Variants in MYO15A observed in about 807,000 individuals in gnomAD.
MYO15A encodes myosin XVA.
Under a neutral mutation model 394.6 loss-of-function variants are expected in MYO15A, and 308 were observed. That is an observed-to-expected ratio of 0.78 (90% confidence interval 0.71 to 0.86). The LOEUF is 0.86. Among genes scored for constraint, MYO15A ranks in the 40% least tolerant of loss-of-function variants. MYO15A has a pLI of 0.00. For missense variants in MYO15A, 4,606 were observed against 4,799.1 expected (o/e 0.96, Z 1.19); for synonymous variants, 1,957 against 2,003.8 (o/e 0.98, Z 0.62).
chr17:18,172,444 G>A, intron 64 of MYO15A, 154 bp downstream of exon 64: 3 of 1,186,624 alleles, frequency 2.5e-6, no homozygotes, highest in Non-Finnish European at 3.7e-6. Flanking sequence ...TCTGAGCCTT[G>A]CTTTCCTCAT....
rs1251646260 is a variant in MYO15A, at chr17:18,179,067, G to A, written c.*197G>A. On this transcript the variant is annotated 3_prime_UTR_variant, in exon 66 of 66. Coordinates refer to ENST00000647165, the MANE Select transcript of MYO15A (RefSeq NM_016239.4). The stretch of plus-strand genomic sequence containing the variant: ...CTGAACTGGGATGGAATGGCAGCAT[G>A]CAAACTTGGATCAGATAGCAGGAGG... The A allele has an allele frequency of 4.7e-6, 3 of 638,586 alleles. No individual in the cohort carries two copies. Among genetic ancestry groups the A allele is most frequent in the Non-Finnish European group, 8.4e-6 (3 of 358,838 alleles). The allele number at this position is 638,586 out of a possible 1,614,324, so 39.6% of individuals were successfully genotyped here. A position where few individuals can be genotyped will look rare whatever the true frequency, so the allele number is the denominator to read the frequency against.
intron 42 of MYO15A, among the ~76,000 whole-genome samples, chr17:18,152,992 G>A (rs968736589): frequency 6.6e-6 from 1 of 152,236 alleles, no homozygotes; most frequent in Non-Finnish European, 1.5e-5. Flanking sequence ...GGCAGTGAGA[G>A]CTTTGTTTCT....
Position 18,143,805 on chromosome 17 carries a change from G to A in MYO15A, c.6046+9G>A. Reference sequence around the variant, plus strand: ...CTTGCAAGCAGTGGCAGGTGGGTCAGCACCAGGCGGGGGGAGGGCCCAGGC... The same window carrying A: ...CTTGCAAGCAGTGGCAGGTGGGTCAACACCAGGCGGGGGGAGGGCCCAGGC... On this transcript the variant is annotated intron_variant, in intron 27 of 65. Transcript: ENST00000647165. 1 of 1,575,838 alleles carries A rather than the reference G, an allele frequency of 6.3e-7. No homozygotes were observed. The highest frequency in any genetic ancestry group is 8.6e-7 in the Non-Finnish European group (1 of 1,161,030).
Position 18,121,887 on chromosome 17 carries a change from T to C in MYO15A, c.3087T>C (p.Pro1029=). 1 of 1,612,422 alleles carries C rather than the reference T, an allele frequency of 6.2e-7. No homozygotes were observed. The part of the protein sequence containing the change: ...GDPQLPAETK[P]PTPAPPKDVT... ...CCCAGCTGCCAGCAGAGACCAAGCC[T>C]CCAACCCCAGCACCTCCCAAGGATG... Residue 1029 remains proline (P), a synonymous_variant, in exon 2 of 66, where the codon CCT becomes CCC. Coordinates refer to ENST00000647165, the MANE Select transcript of MYO15A (RefSeq NM_016239.4). This position sits in a 1 kb window ranked among gnomAD's most constrained non-coding sequence, Gnocchi z 5.3.
Position 18,159,011 on chromosome 17 carries a change from G to C in MYO15A, c.9156+14G>C. On this transcript the variant is annotated intron_variant, in intron 53 of 65. Transcript: ENST00000647165. ...TGCTTCACCAAGGTGTCCAGTCCCG[G>C]ACCTCAGTTTCCCCATCTGTAAAAT... 1 of 1,613,008 alleles carries C rather than the reference G, an allele frequency of 6.2e-7. No homozygotes were observed. The highest frequency in any genetic ancestry group is 8.5e-7 in the Non-Finnish European group (1 of 1,179,420).
intron 65 of MYO15A, among the ~76,000 whole-genome samples, chr17:18,175,551 A>G (rs1468814999): frequency 2.0e-5 from 3 of 151,990 alleles, no homozygotes; most frequent in Non-Finnish European, 4.4e-5. Context: ...TCAGCTTCCC[A>G]AAGTGTAGGG....
chr17:18,171,499 C>A, intron 62 of MYO15A, 139 bp from the exon 63 acceptor site: 1 of 1,317,962 alleles, frequency 7.6e-7, no homozygotes, highest in African/African-American at 1.4e-5. Context: ...ACCCCACTTT[C>A]AGCCCATTTA....
Position 18,158,962 on chromosome 17 carries a change from T to A in MYO15A, c.9121T>A (p.Ser3041Thr), listed in dbSNP as rs974778766. The A allele has an allele frequency of 1.2e-6, 2 of 1,613,742 alleles. No individual in the cohort carries two copies. The highest frequency in any genetic ancestry group is 1.7e-5 in the Admixed American group (1 of 59,994). Residue 3041 changes from serine (S) to threonine (T), a missense_variant, in exon 53 of 66, where the codon TCC (serine) becomes ACC (threonine). Physicochemically the swap from Ser to Thr is moderately conservative, Grantham distance 58 (BLOSUM62 1). Around this residue, in one of 2 missense-constraint regions of MYO15A, gnomAD observed 2,776 missense variants for 3,109.3 expected, o/e 0.89. Coordinates refer to ENST00000647165, the MANE Select transcript of MYO15A (RefSeq NM_016239.4). ...LRLKSKEPRE[S>T]RTLEDMLCFT... is the part of the protein sequence containing the mutation. ...GCTGAAATCCAAGGAGCCTCGGGAG[T>A]CCAGAACCTTGGAGGACATGCTTTG...
In MYO15A at chr17:18,119,944, G is replaced by C. The variant is rs758452758; in HGVS notation, c.1144G>C (p.Glu382Gln). 6.2e-7 allele frequency: 1 copy of C among 1,613,632 alleles called. No individual in the cohort carries two copies. Among genetic ancestry groups the C allele is most frequent in the Non-Finnish European group, 8.5e-7 (1 of 1,180,002 alleles). ...AGTCCACTACACCGTCCCCTATGCC[G>C]AAGGCGTCTATGGCGGTGGGGACGA... ...YGVHYTVPYAEGVYGGGDEAI... is the reference protein window; with the variant it reads ...YGVHYTVPYAQGVYGGGDEAI... Residue 382 changes from glutamate (E) to glutamine (Q), a missense_variant, in exon 2 of 66, where the codon GAA becomes CAA. Glu to Gln is a conservative substitution (Grantham distance 29). This residue lies in a region of MYO15A where 1,830 missense variants were observed against 1,689.7 expected (regional missense o/e 1.08). Coordinates refer to ENST00000647165, the MANE Select transcript of MYO15A (RefSeq NM_016239.4).
At chr17:18,158,383 C>CGGGTGGGTCCACAGGGAT (rs2142390567) in intron 51 of MYO15A, 140 bp from the exon 52 acceptor site, 2 of 499,106 alleles carry the variant, frequency 4.0e-6, no homozygotes, top group Non-Finnish European at 6.7e-6. Context: ...CAACGGGATG[C>CGGGTGGGTCCACAGGGAT]GGGTGGGTCC....
chr17:18,152,679 C>T (rs924017262), intron 42 of MYO15A, among the ~76,000 whole-genome samples: 2 of 152,128 alleles, frequency 1.3e-5, no homozygotes, highest in East Asian at 1.9e-4. Flanking sequence ...GCCTATGAGA[C>T]GCGACATGAT....
At position 18,119,405 on chromosome 17, in the gene MYO15A, C is replaced by T. The variant is rs1229200252; in HGVS notation, c.605C>T (p.Pro202Leu). 1 of 1,611,790 alleles carries T rather than the reference C, an allele frequency of 6.2e-7. No individual in the cohort carries two copies. Among genetic ancestry groups the T allele is most frequent in the Non-Finnish European group, 8.5e-7 (1 of 1,179,912 alleles). Residue 202 changes from proline (P) to leucine (L), a missense_variant, in exon 2 of 66, where the codon CCC becomes CTC. Around this residue, in one of 2 missense-constraint regions of MYO15A, gnomAD observed 1,830 missense variants for 1,689.7 expected, o/e 1.08. Transcript: ENST00000647165. The stretch of plus-strand genomic sequence containing the variant: ...CGCAGCATCTACGCGTCAGGCGAGC[C>T]CCTGGGCTTCCTGCCCTTCGAGGAC... ...RSRSIYASGEPLGFLPFEDEA... is the reference protein window; with the variant it reads ...RSRSIYASGELLGFLPFEDEA...
At position 18,118,598 on chromosome 17, in the gene MYO15A, C is replaced by T. The variant is rs55821557; in HGVS notation, c.-203C>T. 946 of 700,294 alleles carry T rather than the reference C, an allele frequency of 1.4e-3. 5 individuals carry two copies. The highest frequency in any genetic ancestry group is 0.013 in the African/African-American group (742 of 55,802). 43.4% of individuals were successfully genotyped at this position (700,294 alleles called of 1,614,324 possible). A position where few individuals can be genotyped will look rare whatever the true frequency, so the allele number is the denominator to read the frequency against. On this transcript the variant is annotated 5_prime_UTR_variant, in exon 2 of 66. Transcript: ENST00000647165. Reference sequence around the variant, plus strand: ...CTGCTCTAGGGTGAAACCCAAGGCGCTCTAGAGGAGATGAATTATGGATCC... The same window carrying T: ...CTGCTCTAGGGTGAAACCCAAGGCGTTCTAGAGGAGATGAATTATGGATCC...
intron 12 of MYO15A, 120 bp downstream of exon 12, chr17:18,133,506 T>A: frequency 7.4e-7 from 1 of 1,352,478 alleles, no homozygotes; most frequent in Non-Finnish European, 9.9e-7. Flanking sequence ...TTCCTGTTTT[T>A]TTCTTTTTTC....
chr17:18,172,147 C>A lies in MYO15A; in HGVS notation c.10217-10C>A. 6.2e-7 allele frequency: 1 copy of A among 1,614,162 alleles called. No homozygotes were observed. Among genetic ancestry groups the A allele is most frequent in the Non-Finnish European group, 8.5e-7 (1 of 1,180,034 alleles). On this transcript the variant is annotated splice_polypyrimidine_tract_variant and intron_variant, in intron 63 of 65. Coordinates refer to ENST00000647165, the MANE Select transcript of MYO15A (RefSeq NM_016239.4). ...CCAGCACGTAACTGCCACCCCCTCT[C>A]CCTGCCCAGGCCTCCTCAGCGCCTT...
At chr17:18,177,434 C>T (rs1199397223) in intron 65 of MYO15A, 2 of 152,214 alleles carry the variant, frequency 1.3e-5, no homozygotes, top group Non-Finnish European at 2.9e-5. Flanking sequence ...CTCACTGAGC[C>T]TCAGGTTCCA....
At chr17:18,163,943 TCCTCCAGGAAGCC>T in intron 60 of MYO15A, 105 bp downstream of exon 60, 1 of 1,167,204 alleles carries the variant, frequency 8.6e-7, no homozygotes. Flanking sequence ...AGGTGCCACT[TCCTCCAGGAAGCC>T]CCTTGACCCC....
Position 18,173,877 on chromosome 17 carries a change from G to C in MYO15A, c.10447G>C (p.Gly3483Arg). Residue 3483 changes from glycine (G) to arginine (R), a missense_variant, in exon 65 of 66, where the codon GGG becomes CGG. By Grantham distance (125) the Gly-to-Arg change is moderately radical. Transcript: ENST00000647165. The stretch of plus-strand genomic sequence containing the variant: ...CTACCCCTATGTGGAGATTGCGCTG[G>C]GGGACGTGGCGGCCCAGCGCACCTT... ...SSYPYVEIALGDVAAQRTLQL... is the reference protein window; with the variant it reads ...SSYPYVEIALRDVAAQRTLQL... The C allele has an allele frequency of 6.2e-7, 1 of 1,613,102 alleles. No individual in the cohort carries two copies. The highest frequency in any genetic ancestry group is 8.5e-7 in the Non-Finnish European group (1 of 1,179,472).
intron 65 of MYO15A, 108 bp downstream of exon 65, chr17:18,174,029 C>CA: frequency 1.4e-6 from 2 of 1,456,156 alleles, no homozygotes; most frequent in African/African-American, 2.8e-5. Flanking sequence ...CAGGCCAGTG[C>CA]ATGGGACAGA....
Sources: allele counts gnomAD v4.1 joint callset (sites outside exome capture counted in the v4.1 genomes callset), GRCh38; gene constraint gnomAD v4.1.1; regional missense constraint gnomAD v4.1.1; non-coding constraint Gnocchi (gnomAD v3.1); transcripts MANE v1.5; gene names NCBI Gene and HGNC (gene_info 2026-07-23, HGNC 2026-07-21).